POLR3GL: variants seen among roughly 807,000 people sequenced by gnomAD.
POLR3GL encodes the protein RNA polymerase III subunit GL, also known as DNA-directed RNA polymerase III subunit RPC7-like.
Under a neutral mutation model 32.4 loss-of-function variants are expected in POLR3GL, and 26 were observed. The observed-to-expected ratio is 0.80, with a 90% CI of 0.59 to 1.11. The LOEUF (loss-of-function observed/expected upper bound fraction) is 1.11, where lower values mean the gene tolerates loss of function less well. POLR3GL is among the 50% of genes most tolerant of loss of function. POLR3GL has a pLI of 0.00. For synonymous variants in POLR3GL, 95 were observed against 98.7 expected (o/e 0.96, Z 0.22); for missense variants, 229 against 280.1 (o/e 0.82, Z 1.30).
Position 145,977,076 on chromosome 1 carries a change from C to T in POLR3GL, c.257-8C>T, listed in dbSNP as rs782204650. The T allele has an allele frequency of 1.2e-6, 2 of 1,613,072 alleles. No homozygotes were observed. The highest frequency in any genetic ancestry group is 3.3e-5 in the Admixed American group (2 of 59,986). ...AAGGGATAAAACTTTGACCCTTCCACCCCTCAGATGTGGAGCGTTATTCAG... is the reference window on the plus strand; with the variant it reads ...AAGGGATAAAACTTTGACCCTTCCATCCCTCAGATGTGGAGCGTTATTCAG... On this transcript the variant is annotated splice_polypyrimidine_tract_variant and splice_region_variant and intron_variant, in intron 3 of 7. Coordinates refer to ENST00000369314, the MANE Select transcript of POLR3GL (RefSeq NM_032305.3).
At position 145,975,336 on chromosome 1, in the gene POLR3GL, C is replaced by G; in HGVS notation, c.156C>G (p.Pro52=). The stretch of plus-strand genomic sequence containing the variant: ...TGGAGTTCCGCCCAGTACCTTTGCC[C>G]TCAGGCGAGGAAGGGGAATATGTCC... The part of the protein sequence containing the change: ...PPLEFRPVPL[P]SGEEGEYVLA... Residue 52 remains proline, a synonymous_variant, in exon 3 of 8, where the codon CCC becomes CCG. Coordinates refer to ENST00000369314, the MANE Select transcript of POLR3GL (RefSeq NM_032305.3). 1.9e-6 allele frequency: 3 copies of G among 1,614,186 alleles called. No individual in the cohort carries two copies.
intron 1 of POLR3GL, among the ~76,000 whole-genome samples, chr1:145,971,964 C>CAAAAA (rs1187495263): frequency 4.4e-5 from 2 of 45,584 alleles, no homozygotes; most frequent in Non-Finnish European, 6.7e-5. Context: ...GACTCTGTCT[C>CAAAAA]AAAAAAAAAA....
chr1:145,965,321 G>A (rs1314571059), intron 1 of POLR3GL, among the ~76,000 whole-genome samples: 1 of 152,148 alleles, frequency 6.6e-6, no homozygotes, highest in Non-Finnish European at 1.5e-5. Flanking sequence ...TCTTTTTGGG[G>A]AGGCAGAATT....
Position 145,970,269 on chromosome 1 carries a change from C to T in POLR3GL, c.-41-4556C>T, listed in dbSNP as rs587679692. Reference sequence around the variant, plus strand: ...GAAGCGATCCTTCCACCTCAGTCTCCCACGTAGCTGGGACTACTGGCATGT... The same window carrying T: ...GAAGCGATCCTTCCACCTCAGTCTCTCACGTAGCTGGGACTACTGGCATGT... On this transcript the variant is annotated intron_variant, in intron 1 of 7. Transcript: ENST00000369314. Among the ~76,000 whole-genome samples, 6 of 152,166 alleles carry T rather than the reference C, an allele frequency of 3.9e-5. No homozygotes were observed. In the East Asian group the frequency reaches 1.2e-3, roughly 29 times the overall value.
At chr1:145,978,197 C>T in intron 7 of POLR3GL, 101 bp downstream of exon 7, 7 of 1,503,376 alleles carry the variant, frequency 4.7e-6, no homozygotes, top group Non-Finnish European at 3.6e-6. Flanking sequence ...ATAGTGCCCC[C>T]CAGGGTAGGG....
At chr1:145,975,030 C>T (rs1254410091) in intron 2 of POLR3GL, 39 bp downstream of exon 2, 1 of 1,502,284 alleles carries the variant, frequency 6.7e-7, no homozygotes, top group East Asian at 2.4e-5. Flanking sequence ...CTCATGTGCC[C>T]CTGGCTGACT....
rs57292798 is a variant in POLR3GL, at chr1:145,978,279, G to A, written c.571-82G>A. The stretch of plus-strand genomic sequence containing the variant: ...AGAGATGTCTCAGGCCTGGAATGGT[G>A]TGACTGAGAGGAAAGGGGTCTGGTA... On this transcript the variant is annotated intron_variant, in intron 7 of 7. Coordinates refer to ENST00000369314, the MANE Select transcript of POLR3GL (RefSeq NM_032305.3). The A allele has an allele frequency of 1.9e-3, 2,492 of 1,305,072 alleles. 43 individuals carry two copies. The African/African-American group carries it at 0.033, about 17-fold the overall frequency. The allele number at this position is 1,305,072 out of a possible 1,614,324, so 80.8% of individuals were successfully genotyped here. A position where few individuals can be genotyped will look rare whatever the true frequency, so the allele number is the denominator to read the frequency against.
chr1:145,972,116 T>C (rs1197474256), intron 1 of POLR3GL, among the ~76,000 whole-genome samples: 3 of 149,204 alleles, frequency 2.0e-5, no homozygotes, highest in Non-Finnish European at 3.0e-5. Context: ...GTGCGGTGGC[T>C]CACGCCTGAA....
intron 1 of POLR3GL, among the ~76,000 whole-genome samples, chr1:145,966,510 G>A (rs587686152): frequency 6.6e-6 from 1 of 150,764 alleles, no homozygotes; most frequent in Admixed American, 6.6e-5. Flanking sequence ...AAAAGAGGCC[G>A]GGCGTGATGG....
In POLR3GL at chr1:145,966,463, G is replaced by A. The variant is rs1650033668; in HGVS notation, c.-42+1695G>A. Among the ~76,000 whole-genome samples the A allele has an allele frequency of 2.3e-5, 3 of 133,146 alleles. No individual in the cohort carries two copies. In the South Asian group the frequency reaches 7.5e-4, roughly 33 times the overall value. The allele number at this position is 133,146 out of a possible 152,430, so 87.3% of individuals were successfully genotyped here. Reference sequence around the variant, plus strand: ...CACTGCACTGCACTTCAGCCTAAGCGACAGAGCAAGAACCTGTCTCAAAAA... The same window carrying A: ...CACTGCACTGCACTTCAGCCTAAGCAACAGAGCAAGAACCTGTCTCAAAAA... On this transcript the variant is annotated intron_variant, in intron 1 of 7. Coordinates refer to ENST00000369314, the MANE Select transcript of POLR3GL (RefSeq NM_032305.3).
chr1:145,975,005 C>G lies in POLR3GL; in HGVS notation c.126+14C>G. On this transcript the variant is annotated intron_variant, in intron 2 of 7. Coordinates refer to ENST00000369314, the MANE Select transcript of POLR3GL (RefSeq NM_032305.3). ...CCACTCTTCCCTGTGAGTCTCTCCACTCCCTTCCCAGACTCTCATGTGCCC... is the reference window on the plus strand; with the variant it reads ...CCACTCTTCCCTGTGAGTCTCTCCAGTCCCTTCCCAGACTCTCATGTGCCC... 1 of 1,509,016 alleles carries G rather than the reference C, an allele frequency of 6.6e-7. No homozygotes were observed. The highest frequency in any genetic ancestry group is 2.4e-5 in the East Asian group (1 of 41,862). The allele number at this position is 1,509,016 out of a possible 1,614,324, so 93.5% of individuals were successfully genotyped here.
At chr1:145,977,414 A>G (rs1571001407) in intron 4 of POLR3GL, 69 bp from the exon 5 acceptor site, 2 of 1,483,548 alleles carry the variant, frequency 1.3e-6, no homozygotes, top group East Asian at 2.3e-5. Flanking sequence ...CCCCCCTTTA[A>G]AACCAGTCAG....
At chr1:145,976,857 A>G (rs1442350066) in intron 3 of POLR3GL, among the ~76,000 whole-genome samples, 5 of 150,272 alleles carry the variant, frequency 3.3e-5, no homozygotes, top group Non-Finnish European at 7.4e-5. Context: ...AGGTTGCAGT[A>G]AGCTGAGATT....
chr1:145,971,185 C>CAAAAAAAAAA (rs36126138), intron 1 of POLR3GL, among the ~76,000 whole-genome samples: 1 of 90,680 alleles, frequency 1.1e-5, no homozygotes, highest in Admixed American at 1.4e-4. Context: ...AACTCCATCT[C>CAAAAAAAAAA]AAAAAAAAAA....
At chr1:145,978,214 C>T in intron 7 of POLR3GL, 118 bp downstream of exon 7, 1 of 1,425,746 alleles carries the variant, frequency 7.0e-7, no homozygotes, top group Non-Finnish European at 9.6e-7. Context: ...AGGGGCTTCT[C>T]TCTACTTCAT....
chr1:145,977,697 G>T, intron 5 of POLR3GL, 81 bp from the exon 6 acceptor site: 1 of 1,398,794 alleles, frequency 7.1e-7, no homozygotes, highest in South Asian at 1.2e-5. Context: ...GCAGCAGAGT[G>T]ACATGTTCTT....
chr1:145,972,129 C>T (rs1052368968), intron 1 of POLR3GL, among the ~76,000 whole-genome samples: 2 of 149,698 alleles, frequency 1.3e-5, no homozygotes, highest in Admixed American at 6.7e-5. Flanking sequence ...CGCCTGAATC[C>T]CAGCACTTTG....
chr1:145,977,343 A>T (rs587635865), intron 4 of POLR3GL, 140 bp from the exon 5 acceptor site: 1 of 882,164 alleles, frequency 1.1e-6, no homozygotes, highest in South Asian at 1.4e-5. Flanking sequence ...TACTCAGGAG[A>T]TATCCAAGCC....
chr1:145,967,318 G>T (rs1463266982), intron 1 of POLR3GL, among the ~76,000 whole-genome samples: 1 of 152,034 alleles, frequency 6.6e-6, no homozygotes, highest in Non-Finnish European at 1.5e-5. Context: ...GGAATTAAAG[G>T]TGTGTACCAC....
Sources: gnomAD v4.1 joint callset for allele counts (sites outside exome capture counted in the v4.1 genomes callset) on GRCh38, gnomAD v4.1.1 for gene constraint, MANE v1.5 for transcripts, NCBI Gene and HGNC (gene_info 2026-07-23, HGNC 2026-07-21) for gene names.